FMNL2: variants seen among roughly 807,000 people sequenced by gnomAD.
The protein encoded by FMNL2 is formin-like protein 2.
A neutral mutation model predicts 130.2 loss-of-function variants in FMNL2; 51 were observed. The ratio of observed to expected loss-of-function variants is 0.39; its 90% CI spans 0.31 to 0.49. The LOEUF is 0.49. FMNL2 is among the 20% of genes least tolerant of loss of function. The pLI, the probability that FMNL2 is intolerant of heterozygous loss-of-function variation, is 0.85. For missense variants in FMNL2, 977 were observed against 1,316.2 expected (o/e 0.74, Z 3.99); for synonymous variants, 465 against 467.1 (o/e 1.00, Z 0.06).
chr2:152,536,599 A>G (rs777256662), intron 2 of FMNL2, among the ~76,000 whole-genome samples: 1 of 152,204 alleles, frequency 6.6e-6, no homozygotes, highest in Non-Finnish European at 1.5e-5. Flanking sequence ...ATACTCACAT[A>G]ATGATGGTGA....
intron 1 of FMNL2, among the ~76,000 whole-genome samples, chr2:152,420,573 A>G (rs1293985762): frequency 6.6e-6 from 1 of 152,152 alleles, no homozygotes; most frequent in South Asian, 2.1e-4. Context: ...GCACTGGGGC[A>G]TTGGGTATCA....
intron 1 of FMNL2, among the ~76,000 whole-genome samples, chr2:152,509,191 C>G (rs1226271161): frequency 6.6e-6 from 1 of 152,098 alleles, no homozygotes; most frequent in African/African-American, 2.4e-5. Flanking sequence ...CTTTTTATCT[C>G]CAAATAGACA....
intron 1 of FMNL2, chr2:152,390,017 G>A: frequency 6.3e-7 from 1 of 1,581,964 alleles, no homozygotes; most frequent in Non-Finnish European, 8.7e-7. Context: ...ACCAGAAAAA[G>A]GATGCAGAGA....
rs754245208 is a variant in FMNL2, at chr2:152,614,947, A to G, written c.1159A>G (p.Thr387Ala). 6.2e-7 allele frequency: 1 copy of G among 1,613,758 alleles called. No individual in the cohort carries two copies. Among genetic ancestry groups the G allele is most frequent in the Admixed American group, 1.7e-5 (1 of 59,962 alleles). Residue 387 changes from threonine (T) to alanine (A), a missense_variant, in exon 12 of 26, where the codon ACT becomes GCT. Around this residue, in one of 4 missense-constraint regions of FMNL2, gnomAD observed 689 missense variants for 995.9 expected, o/e 0.69. Transcript: ENST00000288670. ...AGGAGCTCTACTGGAAGATGCTGAA[A>G]CTAAGAATGCTGCCTTGGAGAGGGT... is the stretch of plus-strand genomic sequence containing the variant. ...DVGALLEDAETKNAALERVEE... is the reference protein window; with the variant it reads ...DVGALLEDAEAKNAALERVEE...
chr2:152,370,728 A>G (rs1160732567), intron 1 of FMNL2, among the ~76,000 whole-genome samples: 1 of 152,204 alleles, frequency 6.6e-6, no homozygotes, highest in South Asian at 2.1e-4. Context: ...GAAATGCCAC[A>G]CTTTTATTTC....
intron 1 of FMNL2, among the ~76,000 whole-genome samples, chr2:152,448,595 A>G (rs1688476645): frequency 6.6e-6 from 1 of 152,210 alleles, no homozygotes; most frequent in Non-Finnish European, 1.5e-5. Context: ...TTGGACTGTC[A>G]GTATGGCATA....
At chr2:152,457,453 G>A (rs1194614555) in intron 1 of FMNL2, among the ~76,000 whole-genome samples, 1 of 152,132 alleles carries the variant, frequency 6.6e-6, no homozygotes, top group Non-Finnish European at 1.5e-5. Context: ...TAACTAGACT[G>A]GTGCCTAACT....
Position 152,647,879 on chromosome 2 carries a change from G to A in FMNL2, c.3253G>A (p.Val1085Ile), listed in dbSNP as rs374220754. 3.1e-6 allele frequency: 5 copies of A among 1,613,500 alleles called. No individual in the cohort carries two copies. In the African/African-American group the frequency reaches 4.0e-5, roughly 13 times the overall value. ...CTTTGATGATCAGAACTTGCGTTCT[G>A]TTAATGGTGCCGAAATAACAATGTG... ...RRFDDQNLRS[V>I]NGAEITM Residue 1085 changes from valine (V) to isoleucine (I), a missense_variant, in exon 26 of 26, where the codon GTT (valine) becomes ATT (isoleucine). This residue lies in a region of FMNL2 where 168 missense variants were observed against 168.8 expected (regional missense o/e 1.00). Transcript: ENST00000288670.
In FMNL2 at chr2:152,412,443, ATT is replaced by A. The variant is rs1268798867; in HGVS notation, c.117+76726_117+76727del. 8.5e-3 allele frequency among the ~76,000 whole-genome samples: 785 copies of A among 91,886 alleles called. 33 individuals carry two copies. Among genetic ancestry groups the A allele is most frequent in the African/African-American group, 0.028 (592 of 20,832 alleles). The allele number at this position is 91,886 out of a possible 152,430, so 60.3% of individuals were successfully genotyped here. A position where few individuals can be genotyped will look rare whatever the true frequency, so the allele number is the denominator to read the frequency against. On this transcript the variant is annotated intron_variant, in intron 1 of 25. Transcript: ENST00000288670. ...TATTTCCTCTTACTTTCTTCTGTAT[ATT>A]TTATATATATATATATATATATATA...
At chr2:152,645,356 C>A in intron 25 of FMNL2, 2 of 696,478 alleles carry the variant, frequency 2.9e-6, no homozygotes, top group Non-Finnish European at 4.4e-6. Context: ...GAATGTTGAG[C>A]ACTAAGTTGA....
intron 11 of FMNL2, among the ~76,000 whole-genome samples, chr2:152,612,793 G>A (rs1247107520): frequency 6.6e-6 from 1 of 151,826 alleles, no homozygotes; most frequent in Admixed American, 6.5e-5. Context: ...ATTTTTAGTA[G>A]AGACTGGGTT....
intron 1 of FMNL2, among the ~76,000 whole-genome samples, chr2:152,387,874 G>A (rs1684872773): frequency 6.7e-6 from 1 of 149,136 alleles, no homozygotes; most frequent in Non-Finnish European, 1.5e-5. Context: ...GGCTGGTCTT[G>A]ATCTCCTGGG....
intron 1 of FMNL2, among the ~76,000 whole-genome samples, chr2:152,348,586 C>T (rs976526839): frequency 3.3e-5 from 5 of 152,146 alleles, no homozygotes; most frequent in African/African-American, 9.7e-5. Flanking sequence ...TCTTGGTATT[C>T]CCCTTATCAC....
chr2:152,594,751 A>G (rs1296207492), intron 9 of FMNL2, among the ~76,000 whole-genome samples: 1 of 152,200 alleles, frequency 6.6e-6, no homozygotes, highest in East Asian at 1.9e-4. Flanking sequence ...ACTGCAGCTC[A>G]ACAGCCATTC....
chr2:152,546,227 T>G (rs2105513199), intron 3 of FMNL2, among the ~76,000 whole-genome samples: 1 of 152,278 alleles, frequency 6.6e-6, no homozygotes, highest in Middle Eastern at 3.4e-3. Flanking sequence ...TACTTAAGGC[T>G]AGGTAATTTA....
intron 1 of FMNL2, among the ~76,000 whole-genome samples, chr2:152,499,962 C>T (rs980417193): frequency 6.6e-6 from 1 of 152,128 alleles, no homozygotes; most frequent in Non-Finnish European, 1.5e-5. Flanking sequence ...GTTTCTTTCT[C>T]TTTTTCCTCT....
intron 1 of FMNL2, among the ~76,000 whole-genome samples, chr2:152,519,044 T>G (rs1007921170): frequency 6.6e-6 from 1 of 152,192 alleles, no homozygotes; most frequent in African/African-American, 2.4e-5. Flanking sequence ...CTGTTCTGAC[T>G]TTTTTCAGCT....
intron 2 of FMNL2, among the ~76,000 whole-genome samples, chr2:152,526,678 G>T (rs1413498929): frequency 6.6e-6 from 1 of 151,954 alleles, no homozygotes; most frequent in African/African-American, 2.4e-5. Flanking sequence ...AGGTTTTTGC[G>T]ATCTGTTTAA....
intron 1 of FMNL2, among the ~76,000 whole-genome samples, chr2:152,521,017 T>G (rs1693058630): frequency 6.6e-6 from 1 of 152,138 alleles, no homozygotes; most frequent in Admixed American, 6.6e-5. Flanking sequence ...ATAGACAGGA[T>G]GATAAATAGG....
Sources: gnomAD v4.1 joint callset for allele counts (sites outside exome capture counted in the v4.1 genomes callset) on GRCh38, gnomAD v4.1.1 for gene constraint, gnomAD v4.1.1 regional missense constraint, MANE v1.5 for transcripts, NCBI Gene and HGNC (gene_info 2026-07-23, HGNC 2026-07-21) for gene names.